The following SLC45A3 variants were observed in gnomAD, a reference collection of about 807,000 sequenced individuals.
The protein encoded by SLC45A3 is prostate cancer associated protein 2.
SLC45A3 carries 17 observed loss-of-function variants against 35.3 expected under a neutral mutation model. That is an observed-to-expected ratio of 0.48 (90% CI 0.33 to 0.72). SLC45A3 has a LOEUF of 0.72. Among genes scored for constraint, SLC45A3 ranks in the 30% least tolerant of loss-of-function variants. The probability of loss-of-function intolerance (pLI) is 0.02; values close to 1 mark genes in which losing one functional copy is unlikely to be tolerated. For synonymous variants in SLC45A3, 288 were observed against 334.3 expected (o/e 0.86, Z 1.51); for missense variants, 597 against 731.7 (o/e 0.82, Z 2.12).
chr1:205,664,682 G>A lies in SLC45A3; in HGVS notation c.-26C>T, dbSNP rs369572906. ...AGTGGGCCAGGCGGGTAGGGCTCAG[G>A]GGGCCGTTCAGGCACTCCAGAACTG... On this transcript the variant is annotated 5_prime_UTR_variant, in exon 2 of 5. Transcript: ENST00000367145. The surrounding 1 kb of genome is among the most constrained non-coding windows in gnomAD (Gnocchi z 5.3). 7.1e-5 allele frequency: 114 copies of A among 1,612,112 alleles called. No individual in the cohort carries two copies. In the African/African-American group the frequency reaches 1.3e-3, roughly 19 times the overall value.
At chr1:205,670,145 C>T (rs1671186142) in intron 1 of SLC45A3, among the ~76,000 whole-genome samples, 1 of 152,210 alleles carries the variant, frequency 6.6e-6, no homozygotes, top group Non-Finnish European at 1.5e-5. Flanking sequence ...GCCTTGGGGA[C>T]ACCCCAGAAA....
chr1:205,663,719 C>T lies in SLC45A3; in HGVS notation c.173-101G>A, dbSNP rs1671070055. ...AGAAGGATGGAAATAACATTCCGTA[C>T]TCGACACTGTGCTACGTCTTCACAG... On this transcript the variant is annotated intron_variant, in intron 2 of 4. Transcript: ENST00000367145. 5.1e-6 allele frequency: 6 copies of T among 1,186,868 alleles called. No individual in the cohort carries two copies. The Admixed American group carries it at 1.3e-4, about 26-fold the overall frequency. The allele number at this position is 1,186,868 out of a possible 1,614,324, so 73.5% of individuals were successfully genotyped here.
rs1170872559 is a variant in SLC45A3 at position 205,662,142 on chromosome 1, G to C, written c.959-16C>G. 6.2e-7 allele frequency: 1 copy of C among 1,607,132 alleles called. No individual in the cohort carries two copies. The highest frequency in any genetic ancestry group is 1.3e-5 in the African/African-American group (1 of 74,784). ...ATCCGAACGCCTGCAGAGGGAGAGG[G>C]GCCATCAGACAGAGCCTGGGAGGGA... On this transcript the variant is annotated splice_polypyrimidine_tract_variant and intron_variant, in intron 3 of 4. Coordinates refer to ENST00000367145, the MANE Select transcript of SLC45A3 (RefSeq NM_033102.3). The surrounding 1 kb of genome is among the most constrained non-coding windows in gnomAD (Gnocchi z 6.2).
rs558198377 is a variant in SLC45A3, at chr1:205,658,279, G to C, written c.*955C>G. On this transcript the variant is annotated 3_prime_UTR_variant, in exon 5 of 5. Coordinates refer to ENST00000367145, the MANE Select transcript of SLC45A3 (RefSeq NM_033102.3). ...AGGCTGGGCCAAGAGAAGAGGGGTGGTTAGGGAAGCCGTTGAGACCTGAAG... is the reference window on the plus strand; with the variant it reads ...AGGCTGGGCCAAGAGAAGAGGGGTGCTTAGGGAAGCCGTTGAGACCTGAAG... 12 of 232,808 alleles carry C rather than the reference G, an allele frequency of 5.2e-5. No individual in the cohort carries two copies. The highest frequency in any genetic ancestry group is 9.3e-5 in the Non-Finnish European group (11 of 117,760). The allele number at this position is 232,808 out of a possible 1,614,324, so 14.4% of individuals were successfully genotyped here.
Position 205,662,941 on chromosome 1 carries a change from C to T in SLC45A3, c.850G>A (p.Ala284Thr). The change falls in exon 3 of 5, where the codon GCA (alanine) becomes ACA (threonine). Residue 284 changes from alanine to threonine, a missense_variant. Physicochemically the swap from Ala to Thr is moderately conservative, Grantham distance 58. Transcript: ENST00000367145. This position sits in a 1 kb window ranked among gnomAD's most constrained non-coding sequence, Gnocchi z 6.2. ...LFVAELCSWM[A>T]LMTFTLFYTD... ...TAAAACAGCGTGAAGGTCATGAGTG[C>T]CATCCAGCTGCACAGCTCAGCCACG... 1 of 1,613,624 alleles carries T rather than the reference C, an allele frequency of 6.2e-7. No homozygotes were observed. Among genetic ancestry groups the T allele is most frequent in the Non-Finnish European group, 8.5e-7 (1 of 1,180,002 alleles).
intron 1 of SLC45A3, among the ~76,000 whole-genome samples, chr1:205,679,861 C>A (rs964343956): frequency 6.6e-6 from 1 of 152,032 alleles, no homozygotes; most frequent in Non-Finnish European, 1.5e-5. Context: ...GGCGCCGCGG[C>A]CGTCGGCTCC....
Position 205,663,203 on chromosome 1 carries a change from C to T in SLC45A3, c.588G>A (p.Glu196=), listed in dbSNP as rs1255151330. ...GGGTGAGCAGGCCAAAGAGGCACTC[C>T]TCCTGGGTGCCCAGGTAGGGGGCCA... is the stretch of plus-strand genomic sequence containing the variant. ...SALAPYLGTQ[E]ECLFGLLTLI... The change falls in exon 3 of 5, where the codon GAG becomes GAA. Residue 196 remains glutamate, a synonymous_variant. Transcript: ENST00000367145. 6.2e-7 allele frequency: 1 copy of T among 1,613,380 alleles called. No individual in the cohort carries two copies. The highest frequency in any genetic ancestry group is 1.7e-5 in the Admixed American group (1 of 59,980).
At chr1:205,667,033 C>G (rs758018197) in intron 1 of SLC45A3, among the ~76,000 whole-genome samples, 1 of 152,180 alleles carries the variant, frequency 6.6e-6, no homozygotes, top group African/African-American at 2.4e-5. Context: ...TCGCCTATAA[C>G]CTGCACCCAT....
rs1375663229 is a variant in SLC45A3, at chr1:205,669,689, A to G, written c.-230-4803T>C. Among the ~76,000 whole-genome samples, 1 of 151,918 alleles carries G rather than the reference A, an allele frequency of 6.6e-6. No individual in the cohort carries two copies. The highest frequency in any genetic ancestry group is 1.5e-5 in the Non-Finnish European group (1 of 67,958). ...CAGCGACCCTGCGTGTTCCCTGCAC[A>G]CTCACAAAGACGCTCTGCTTTCTCC... On this transcript the variant is annotated intron_variant, in intron 1 of 4. Coordinates refer to ENST00000367145, the MANE Select transcript of SLC45A3 (RefSeq NM_033102.3). The surrounding 1 kb of genome is among the most constrained non-coding windows in gnomAD (Gnocchi z 4.1).
Position 205,658,929 on chromosome 1 carries a change from C to T in SLC45A3, c.*305G>A, listed in dbSNP as rs1571528333. The T allele has an allele frequency of 5.3e-6, 2 of 378,936 alleles. No individual in the cohort carries two copies. The highest frequency in any genetic ancestry group is 8.5e-5 in the East Asian group (2 of 23,468). 23.5% of individuals were successfully genotyped at this position (378,936 alleles called of 1,614,324 possible). On this transcript the variant is annotated 3_prime_UTR_variant, in exon 5 of 5. Coordinates refer to ENST00000367145, the MANE Select transcript of SLC45A3 (RefSeq NM_033102.3). The stretch of plus-strand genomic sequence containing the variant: ...CTGTTAACCCTGAGCCTGGGTAATC[C>T]ACCTGCAGAGTCCCCGCATTCCAGT...
chr1:205,660,099 C>T (rs1403368691), intron 4 of SLC45A3, among the ~76,000 whole-genome samples: 1 of 152,168 alleles, frequency 6.6e-6, no homozygotes, highest in Non-Finnish European at 1.5e-5. Context: ...CTCTCCTAAC[C>T]TTCCTTCCTG....
rs564800627 is a variant in SLC45A3, at chr1:205,658,094, G to A, written c.*1140C>T. Reference sequence around the variant, plus strand: ...GAGATGGACAAAGGCTTGGGAAACCGCACTTTGTGCTTCTGGTCCTGCAGT... The same window carrying A: ...GAGATGGACAAAGGCTTGGGAAACCACACTTTGTGCTTCTGGTCCTGCAGT... On this transcript the variant is annotated 3_prime_UTR_variant, in exon 5 of 5. Transcript: ENST00000367145. 100 of 225,530 alleles carry A rather than the reference G, an allele frequency of 4.4e-4. No homozygotes were observed. Among genetic ancestry groups the A allele is most frequent in the East Asian group, 2.4e-3 (38 of 15,822 alleles). The allele number at this position is 225,530 out of a possible 1,614,324, so 14.0% of individuals were successfully genotyped here.
chr1:205,671,081 C>T (rs2102408029), intron 1 of SLC45A3, among the ~76,000 whole-genome samples: 1 of 152,304 alleles, frequency 6.6e-6, no homozygotes, highest in East Asian at 1.9e-4. Flanking sequence ...GACAGAGGGG[C>T]AGTCCCTGGA....
rs867707332 is a variant in SLC45A3 at position 205,663,273 on chromosome 1, C to A, written c.518G>T (p.Cys173Phe). ...VYAFMISLGG[C>F]LGYLLPAIDW... ...AATGGCAGGCAGGAGGTAGCCCAGG[C>A]AGCCCCCAAGACTGATCATGAAGGC... Residue 173 changes from cysteine to phenylalanine, a missense_variant, in exon 3 of 5, where the codon TGC becomes TTC. Physicochemically the swap from Cys to Phe is radical, Grantham distance 205. This residue lies in a region of SLC45A3 where 555 missense variants were observed against 664.9 expected (regional missense o/e 0.83). Coordinates refer to ENST00000367145, the MANE Select transcript of SLC45A3 (RefSeq NM_033102.3). 1 of 1,613,580 alleles carries A rather than the reference C, an allele frequency of 6.2e-7. No homozygotes were observed. The highest frequency in any genetic ancestry group is 8.5e-7 in the Non-Finnish European group (1 of 1,180,034).
rs1671047215 is a variant in SLC45A3, at chr1:205,662,613, A to G, written c.958+220T>C. On this transcript the variant is annotated intron_variant, in intron 3 of 4. Coordinates refer to ENST00000367145, the MANE Select transcript of SLC45A3 (RefSeq NM_033102.3). This position sits in a 1 kb window ranked among gnomAD's most constrained non-coding sequence, Gnocchi z 6.2. Reference sequence around the variant, plus strand: ...TTCCTTCTGTCAAACTGGGGCAACGACTCTGATCAGACTCCTAGAGCAGCC... The same window carrying G: ...TTCCTTCTGTCAAACTGGGGCAACGGCTCTGATCAGACTCCTAGAGCAGCC... 1 of 1,350,964 alleles carries G rather than the reference A, an allele frequency of 7.4e-7. No individual in the cohort carries two copies. Among genetic ancestry groups the G allele is most frequent in the South Asian group, 2.2e-5 (1 of 45,496 alleles). The allele number at this position is 1,350,964 out of a possible 1,614,324, so 83.7% of individuals were successfully genotyped here. A position where few individuals can be genotyped will look rare whatever the true frequency, so the allele number is the denominator to read the frequency against.
Position 205,662,633 on chromosome 1 carries a change from G to T in SLC45A3, c.958+200C>A. 7.2e-7 allele frequency: 1 copy of T among 1,379,868 alleles called. No homozygotes were observed. The allele number at this position is 1,379,868 out of a possible 1,614,324, so 85.5% of individuals were successfully genotyped here. On this transcript the variant is annotated intron_variant, in intron 3 of 4. Transcript: ENST00000367145. The surrounding 1 kb of genome is among the most constrained non-coding windows in gnomAD (Gnocchi z 6.2). Reference sequence around the variant, plus strand: ...CAACGACTCTGATCAGACTCCTAGAGCAGCCAGAGGCCTTCCTGAAACCGC... The same window carrying T: ...CAACGACTCTGATCAGACTCCTAGATCAGCCAGAGGCCTTCCTGAAACCGC...
intron 1 of SLC45A3, among the ~76,000 whole-genome samples, chr1:205,672,045 C>T (rs993497203): frequency 2.0e-5 from 3 of 152,136 alleles, no homozygotes; most frequent in Admixed American, 1.3e-4. Flanking sequence ...TAGATTAATA[C>T]CACCAACTTC....
Position 205,679,685 on chromosome 1 carries a change from A to AACACACACACACACACACAC in SLC45A3, c.-231+689_-231+708dup, listed in dbSNP as rs55762304. Among the ~76,000 whole-genome samples the AACACACACACACACACACAC allele has an allele frequency of 1.5e-3, 207 of 138,846 alleles. 1 individual carries two copies. Among genetic ancestry groups the AACACACACACACACACACAC allele is most frequent in the East Asian group, 6.6e-3 (28 of 4,236 alleles). The allele number at this position is 138,846 out of a possible 152,430, so 91.1% of individuals were successfully genotyped here. ...ACTGAGGCTGAAAAGGGGACACAGT[A>AACACACACACACACACACAC]ACACACACACACACACACACACACA... On this transcript the variant is annotated intron_variant, in intron 1 of 4. Transcript: ENST00000367145.
At chr1:205,679,010 G>A (rs1461754751) in intron 1 of SLC45A3, among the ~76,000 whole-genome samples, 1 of 152,096 alleles carries the variant, frequency 6.6e-6, no homozygotes, top group Non-Finnish European at 1.5e-5. Context: ...ACACCAAGGC[G>A]GTCTCTGCTC....
Sources: allele counts gnomAD v4.1 joint callset (sites outside exome capture counted in the v4.1 genomes callset), GRCh38; gene constraint gnomAD v4.1.1; regional missense constraint gnomAD v4.1.1; non-coding constraint Gnocchi (gnomAD v3.1); transcripts MANE v1.5; gene names NCBI Gene and HGNC (gene_info 2026-07-23, HGNC 2026-07-21).